INTS10: variants seen among roughly 807,000 people sequenced by gnomAD.
INTS10 encodes chromosome 8 open reading frame 35.
INTS10 carries 44 observed loss-of-function variants against 94.4 expected under a neutral mutation model. That is an observed-to-expected ratio of 0.47 (90% CI 0.37 to 0.60). The LOEUF is 0.60. Ranked by LOEUF, INTS10 falls within the 20% of genes least tolerant of loss-of-function variation. INTS10 has a pLI of 0.00. For synonymous variants in INTS10, 341 were observed against 320.7 expected, an observed-to-expected ratio of 1.06 and a Z score of -0.68; for missense variants, 797 against 868.7, an observed-to-expected ratio of 0.92 and a Z score of 1.04.
chr8:19,839,796 C>G (rs2067976260), intron 13 of INTS10, among the ~76,000 whole-genome samples: 1 of 152,130 alleles, frequency 6.6e-6, no homozygotes, highest in African/African-American at 2.4e-5. Context: ...GGCGCAGTGG[C>G]TCACACCTCT....
chr8:19,829,919 C>T (rs1031361810), intron 9 of INTS10, among the ~76,000 whole-genome samples: 5 of 152,156 alleles, frequency 3.3e-5, no homozygotes, highest in East Asian at 1.9e-4. Context: ...CTGTCCTCCT[C>T]GGCCTCCCGA....
Position 19,843,984 on chromosome 8 carries a change from A to T in INTS10, c.1720-92A>T. On this transcript the variant is annotated intron_variant, in intron 14 of 16. Coordinates refer to ENST00000397977, the MANE Select transcript of INTS10 (RefSeq NM_018142.4). This position sits in a 1 kb window ranked among gnomAD's most constrained non-coding sequence, Gnocchi z 4.7. ...TGACGTTTATCACACATTTGCATAT[A>T]CAGCATATTTTTGGAAAGTGATGTT... 1 of 970,682 alleles carries T rather than the reference A, an allele frequency of 1.0e-6. No homozygotes were observed. Among genetic ancestry groups the T allele is most frequent in the Non-Finnish European group, 1.5e-6 (1 of 645,770 alleles). The allele number at this position is 970,682 out of a possible 1,614,324, so 60.1% of individuals were successfully genotyped here.
Position 19,824,085 on chromosome 8 carries a change from T to C in INTS10, c.836+41T>C, listed in dbSNP as rs375635889. The C allele has an allele frequency of 2.1e-5, 32 of 1,492,062 alleles. No homozygotes were observed. In the African/African-American group the frequency reaches 3.3e-4, roughly 15 times the overall value. 92.4% of individuals were successfully genotyped at this position (1,492,062 alleles called of 1,614,324 possible). A position where few individuals can be genotyped will look rare whatever the true frequency, so the allele number is the denominator to read the frequency against. ...TTTCCAGAATTGCCTATTGATTCTT[T>C]TGGATCCTTATAAAAACAAAATCAT... On this transcript the variant is annotated intron_variant, in intron 7 of 16. Transcript: ENST00000397977.
chr8:19,840,982 T>G (rs752962383), intron 13 of INTS10, among the ~76,000 whole-genome samples: 1 of 152,086 alleles, frequency 6.6e-6, no homozygotes, highest in Non-Finnish European at 1.5e-5. Context: ...AGAAACTGAT[T>G]AGGTGGATAG....
In INTS10 at chr8:19,824,974, T is replaced by C; in HGVS notation, c.1006+2T>C. 3 of 1,613,326 alleles carry C rather than the reference T, an allele frequency of 1.9e-6. No individual in the cohort carries two copies. The highest frequency in any genetic ancestry group is 2.5e-6 in the Non-Finnish European group (3 of 1,179,720). ...GCATACAGCCATCTCTCTTCCAAGG[T>C]TGGTTTACAAATTTTAGAGTGTCCA... On this transcript the variant is annotated splice_donor_variant, in intron 8 of 16. Transcript: ENST00000397977. LOFTEE classifies it high-confidence loss of function.
chr8:19,838,482 A>G (rs2067851400), intron 13 of INTS10, among the ~76,000 whole-genome samples: 1 of 152,230 alleles, frequency 6.6e-6, no homozygotes, highest in Admixed American at 6.5e-5. Context: ...TTCAGGTTCA[A>G]ATGGCTTTAC....
intron 13 of INTS10, among the ~76,000 whole-genome samples, chr8:19,842,167 T>C (rs571809097): frequency 1.6e-4 from 25 of 152,208 alleles, no homozygotes; most frequent in African/African-American, 6.0e-4. Context: ...AAATTGGAAA[T>C]GTCAATATCC....
At chr8:19,842,067 G>T (rs1038016407) in intron 13 of INTS10, 2 of 214,952 alleles carry the variant, frequency 9.3e-6, no homozygotes, top group Admixed American at 5.6e-5. Context: ...AGGAAAGATT[G>T]GGATTTTGCT....
Position 19,849,299 on chromosome 8 carries a change from A to G in INTS10, c.1977-2350A>G, listed in dbSNP as rs2068832612. ...CTGTTTGTCAACATGTTCGCTGCCC[A>G]TGGTTCTCAGCTCTTCGTTCCTCAG... is the stretch of plus-strand genomic sequence containing the variant. On this transcript the variant is annotated intron_variant, in intron 16 of 16. Coordinates refer to ENST00000397977, the MANE Select transcript of INTS10 (RefSeq NM_018142.4). The surrounding 1 kb of genome is among the most constrained non-coding windows in gnomAD (Gnocchi z 4.6). 20 of 852,646 alleles carry G rather than the reference A, an allele frequency of 2.3e-5. No homozygotes were observed. In the South Asian group the frequency reaches 2.7e-4, roughly 11 times the overall value. 52.8% of individuals were successfully genotyped at this position (852,646 alleles called of 1,614,324 possible).
chr8:19,842,726 G>T, intron 13 of INTS10, 122 bp from the exon 14 acceptor site: 1 of 590,394 alleles, frequency 1.7e-6, no homozygotes, highest in Non-Finnish European at 3.0e-6. Context: ...AATTGAAATT[G>T]TGTGACTGTT....
rs759766935 is a variant in INTS10 at position 19,819,642 on chromosome 8, C to T, written c.267C>T (p.Asn89=). 46 of 1,613,122 alleles carry T rather than the reference C, an allele frequency of 2.9e-5. No homozygotes were observed. Among genetic ancestry groups the T allele is most frequent in the Middle Eastern group, 1.6e-4 (1 of 6,076 alleles). ...EISIITSALR[N]DSQDKQTQFL... ...GCATTATTACATCAGCATTAAGGAA[C>T]GATTCACAGGACAAACAAACCCAAT... Residue 89 remains asparagine, a synonymous_variant, in exon 3 of 17, where the codon AAC becomes AAT. Transcript: ENST00000397977.
chr8:19,828,450 T>C (rs2066973664), intron 9 of INTS10, among the ~76,000 whole-genome samples: 2 of 152,222 alleles, frequency 1.3e-5, no homozygotes, highest in Admixed American at 1.3e-4. Flanking sequence ...ACCTGCTGCA[T>C]TCTTGCTTCA....
chr8:19,842,794 G>A, intron 13 of INTS10, 54 bp from the exon 14 acceptor site: 1 of 1,189,220 alleles, frequency 8.4e-7, no homozygotes, highest in Non-Finnish European at 1.2e-6. Flanking sequence ...GCCTTTCAAA[G>A]CTGTTATCTT....
chr8:19,833,264 G>A lies in INTS10; in HGVS notation c.1473G>A (p.Glu491=). The change falls in exon 12 of 17, where the codon GAG becomes GAA. Residue 491 remains glutamate, a synonymous_variant. Transcript: ENST00000397977. ...QPQITGQGTL[E]HQRALIQLAT... is the part of the protein sequence containing the mutation. ...AGATCACAGGGCAGGGGACCCTGGA[G>A]CATCAGAGGGCGCTCATCCAGCTGG... 2 of 1,613,202 alleles carry A rather than the reference G, an allele frequency of 1.2e-6. No homozygotes were observed. The highest frequency in any genetic ancestry group is 2.2e-5 in the East Asian group (1 of 44,754).
rs372194893 is a variant in INTS10, at chr8:19,824,959, A to T, written c.993A>T (p.Pro331=). The change falls in exon 8 of 17, where the codon CCA becomes CCT. Residue 331 remains proline (P), a synonymous_variant. Coordinates refer to ENST00000397977, the MANE Select transcript of INTS10 (RefSeq NM_018142.4). ...TCCAGTATGTCAACAGCATACAGCC[A>T]TCTCTCTTCCAAGGTTGGTTTACAA... ...NAFQYVNSIQ[P]SLFQGPNAPS... is the part of the protein sequence containing the mutation. 2 of 1,613,686 alleles carry T rather than the reference A, an allele frequency of 1.2e-6. No individual in the cohort carries two copies. Among genetic ancestry groups the T allele is most frequent in the African/African-American group, 2.7e-5 (2 of 74,932 alleles).
chr8:19,823,798 G>A (rs2066576905), intron 6 of INTS10, 75 bp from the exon 7 acceptor site: 1 of 1,320,734 alleles, frequency 7.6e-7, no homozygotes, highest in Non-Finnish European at 1.0e-6. Context: ...TGGGGAGTCA[G>A]ACTTTCTTTA....
At chr8:19,818,770 C>T in intron 2 of INTS10, 1 of 171,410 alleles carries the variant, frequency 5.8e-6, no homozygotes, top group Non-Finnish European at 1.3e-5. Context: ...ACTACCTTTG[C>T]CCTGCAGCAT....
At position 19,848,997 on chromosome 8, in the gene INTS10, C is replaced by T. The variant is rs112014462; in HGVS notation, c.1977-2652C>T. 2.4e-4 allele frequency: 70 copies of T among 297,132 alleles called. 2 individuals are homozygous for T. Among genetic ancestry groups the T allele is most frequent in the African/African-American group, 1.4e-3 (64 of 45,456 alleles). 18.4% of individuals were successfully genotyped at this position (297,132 alleles called of 1,614,324 possible). A position where few individuals can be genotyped will look rare whatever the true frequency, so the allele number is the denominator to read the frequency against. On this transcript the variant is annotated intron_variant, in intron 16 of 16. Coordinates refer to ENST00000397977, the MANE Select transcript of INTS10 (RefSeq NM_018142.4). ...GTGCAGTGAGGGCTGGCTAGCTTCT[C>T]CCCAGTCTCCTTAAACACCCAGCCA...
chr8:19,827,301 G>C (rs563214547), intron 9 of INTS10, among the ~76,000 whole-genome samples: 2 of 152,134 alleles, frequency 1.3e-5, no homozygotes, highest in Non-Finnish European at 2.9e-5. Context: ...CTTGTCACTT[G>C]GTCCCAGCCC....
Sources: gnomAD v4.1 joint callset for allele counts (sites outside exome capture counted in the v4.1 genomes callset) on GRCh38, gnomAD v4.1.1 for gene constraint, Gnocchi (gnomAD v3.1) non-coding constraint, MANE v1.5 for transcripts, NCBI Gene and HGNC (gene_info 2026-07-23, HGNC 2026-07-21) for gene names.